The following GPHN variants were observed in gnomAD, a reference collection of about 807,000 sequenced individuals.
GPHN encodes the protein gephyrin.
GPHN carries 17 observed loss-of-function variants against 95.5 expected under a neutral mutation model. That is an observed-to-expected ratio of 0.18 (90% CI 0.12 to 0.27). The LOEUF (loss-of-function observed/expected upper bound fraction) is 0.27, where lower values mean the gene tolerates loss of function less well. Ranked by LOEUF, GPHN falls within the 10% of genes least tolerant of loss-of-function variation. GPHN has a pLI of 1.00. For synonymous variants in GPHN, 320 were observed against 322.5 expected, an observed-to-expected ratio of 0.99 and a Z score of 0.08; for missense variants, 660 against 978.1, an observed-to-expected ratio of 0.67 and a Z score of 4.34.
At chr14:66,646,586 A>G (rs192043860) in intron 1 of GPHN, among the ~76,000 whole-genome samples, 32 of 152,274 alleles carry the variant, frequency 2.1e-4, no homozygotes, top group Admixed American at 1.8e-3. Context: ...ATAAAACAAT[A>G]TATATCTTGA....
chr14:67,734,347 C>T, the GPHN span: 7 of 161,806 alleles, frequency 4.3e-5, no homozygotes, highest in East Asian at 8.6e-4. Context: ...AGATTCCTTC[C>T]TCTCACCTGG....
chr14:66,787,371 C>T (rs2059812930), intron 3 of GPHN, among the ~76,000 whole-genome samples: 1 of 152,088 alleles, frequency 6.6e-6, no homozygotes, highest in African/African-American at 2.4e-5. Flanking sequence ...ATTCTGTGTT[C>T]AAATATTGAA....
At chr14:67,124,967 T>C (rs1030395845) in intron 17 of GPHN, among the ~76,000 whole-genome samples, 5 of 152,158 alleles carry the variant, frequency 3.3e-5, no homozygotes, top group African/African-American at 1.2e-4. Flanking sequence ...CATTTCCTAA[T>C]AATGGTGATA....
chr14:67,176,018 T>G (rs1385204782), intron 21 of GPHN, among the ~76,000 whole-genome samples: 4 of 152,304 alleles, frequency 2.6e-5, no homozygotes, highest in Non-Finnish European at 4.4e-5. Flanking sequence ...CATGTCATCT[T>G]CAAACAGAGA....
chr14:66,613,304 A>C (rs2062862611), intron 1 of GPHN, among the ~76,000 whole-genome samples: 1 of 152,052 alleles, frequency 6.6e-6, no homozygotes, highest in African/African-American at 2.4e-5. Context: ...ACTTTATCTA[A>C]AATGTATTTT....
At chr14:66,996,050 T>C in intron 9 of GPHN, 2 of 594,880 alleles carry the variant, frequency 3.4e-6, no homozygotes, top group South Asian at 4.2e-5. Flanking sequence ...CTCAAGTGTC[T>C]GCTTATAAAG....
At chr14:67,323,784 T>A in the GPHN span, 1 of 1,591,316 alleles carries the variant, frequency 6.3e-7, no homozygotes, top group Non-Finnish European at 8.6e-7. Context: ...CTTCGGGCAT[T>A]ATTGGCCAAA....
chr14:66,901,301 T>A (rs553563943), intron 5 of GPHN, among the ~76,000 whole-genome samples: 2 of 152,234 alleles, frequency 1.3e-5, no homozygotes, highest in African/African-American at 2.4e-5. Flanking sequence ...AGACAGGTAG[T>A]TTGAAATGTT....
chr14:66,713,388 G>C (rs1442171483), intron 2 of GPHN, among the ~76,000 whole-genome samples: 1 of 152,172 alleles, frequency 6.6e-6, no homozygotes, highest in South Asian at 2.1e-4. Context: ...TTCTTGAAAA[G>C]GGTGTCCTTT....
At chr14:66,540,999 G>C (rs1316548423) in intron 1 of GPHN, among the ~76,000 whole-genome samples, 5 of 151,808 alleles carry the variant, frequency 3.3e-5, no homozygotes, top group African/African-American at 9.7e-5. Flanking sequence ...CCAGGGTGGA[G>C]TGCAGTGGCA....
chr14:67,299,594 AG>A, the GPHN span, among the ~76,000 whole-genome samples: 9 of 152,250 alleles, frequency 5.9e-5, no homozygotes, highest in Admixed American at 5.9e-4. Context: ...GTATTTTTAT[AG>A]GCCAATGGAA....
chr14:66,932,835 GATTAGTAC>G (rs2066899302), intron 8 of GPHN, among the ~76,000 whole-genome samples: 1 of 152,030 alleles, frequency 6.6e-6, no homozygotes, highest in Non-Finnish European at 1.5e-5. Context: ...CTAAGGTTAA[GATTAGTAC>G]ATCAAAAATT....
chr14:67,389,485 T>C, the GPHN span, among the ~76,000 whole-genome samples: 2 of 152,198 alleles, frequency 1.3e-5, no homozygotes, highest in African/African-American at 4.8e-5. Flanking sequence ...GCCCAGAGAT[T>C]TGGCAATTCT....
chr14:67,562,360 G>A, the GPHN span: 276 of 1,613,688 alleles, frequency 1.7e-4, no homozygotes, highest in African/African-American at 1.1e-3. Flanking sequence ...GTTCCAGCAC[G>A]GTCCATTCTG....
the GPHN span, chr14:67,225,229 A>G: frequency 1.3e-6 from 2 of 1,526,908 alleles, no homozygotes; most frequent in South Asian, 1.3e-5. Context: ...ACAGAAAAAG[A>G]CAAAGTTGAT....
At chr14:67,664,788 T>A in the GPHN span, among the ~76,000 whole-genome samples, 1 of 152,162 alleles carries the variant, frequency 6.6e-6, no homozygotes, top group Non-Finnish European at 1.5e-5. Context: ...TGAGCCGGGC[T>A]TATGGAGAAA....
chr14:67,347,934 C>T, the GPHN span, among the ~76,000 whole-genome samples: 3 of 147,754 alleles, frequency 2.0e-5, no homozygotes, highest in Admixed American at 6.8e-5. Context: ...TTTTTTGAGA[C>T]AGAGTCTCAC....
chr14:67,055,924 C>T (rs1315971852), intron 10 of GPHN, among the ~76,000 whole-genome samples: 2 of 152,172 alleles, frequency 1.3e-5, no homozygotes, highest in Non-Finnish European at 2.9e-5. Flanking sequence ...AAAGGTGGCA[C>T]GGCTGGAGTT....
At chr14:67,718,837 T>A in the GPHN span, among the ~76,000 whole-genome samples, 1 of 151,860 alleles carries the variant, frequency 6.6e-6, no homozygotes, top group Non-Finnish European at 1.5e-5. Context: ...TTTAAGAATG[T>A]CTCGATACCA....
Sources: allele counts gnomAD v4.1 joint callset (sites outside exome capture counted in the v4.1 genomes callset), GRCh38; gene constraint gnomAD v4.1.1; transcripts MANE v1.5; gene names NCBI Gene and HGNC (gene_info 2026-07-23, HGNC 2026-07-21).